SLC7A6: variants seen among roughly 807,000 people sequenced by gnomAD.
SLC7A6 encodes the protein solute carrier family 7 member 6, also known as Y+L amino acid transporter 2.
In SLC7A6, 29 loss-of-function variants were observed where a neutral mutation model predicts 46.6. The observed-to-expected ratio is 0.62, with a 90% CI of 0.46 to 0.85. The LOEUF (loss-of-function observed/expected upper bound fraction) is 0.85, where lower values mean the gene tolerates loss of function less well. SLC7A6 is among the 40% of genes least tolerant of loss of function. The pLI is 0.00. For missense variants in SLC7A6, 527 were observed against 647.6 expected (o/e 0.81, Z 2.02); for synonymous variants, 276 against 257.3 (o/e 1.07, Z -0.70).
At position 68,298,110 on chromosome 16, in the gene SLC7A6, A is replaced by C. The variant is rs2043207429; in HGVS notation, c.*782A>C. 1 of 152,680 alleles carries C rather than the reference A, an allele frequency of 6.5e-6. No homozygotes were observed. The highest frequency in any genetic ancestry group is 2.4e-5 in the African/African-American group (1 of 41,458). The allele number at this position is 152,680 out of a possible 1,614,324, so 9.5% of individuals were successfully genotyped here. On this transcript the variant is annotated 3_prime_UTR_variant, in exon 11 of 11. Coordinates refer to ENST00000219343, the MANE Select transcript of SLC7A6 (RefSeq NM_003983.6). ...ATAGATCATAGATCACGTTACAAGC[A>C]CTTGGCTCAGGTCCAGCAAGGACAG...
rs375440889 is a variant in SLC7A6, at chr16:68,269,028, G to T, written c.-37+2307G>T. ...CTAAAAAAAAAAAGAGCAAAAATACGTATTAAAAAATATTTACCTAGGCTA... is the reference window on the plus strand; with the variant it reads ...CTAAAAAAAAAAAGAGCAAAAATACTTATTAAAAAATATTTACCTAGGCTA... On this transcript the variant is annotated intron_variant, in intron 2 of 10. Transcript: ENST00000219343. Among the ~76,000 whole-genome samples, 4 of 151,884 alleles carry T rather than the reference G, an allele frequency of 2.6e-5. No individual in the cohort carries two copies. The East Asian group carries it at 7.7e-4, about 29-fold the overall frequency.
intron 1 of SLC7A6, chr16:68,265,461 T>C (rs573643950): frequency 1.3e-5 from 2 of 152,174 alleles, no homozygotes; most frequent in East Asian, 3.9e-4. Context: ...AAGAATTCAG[T>C]CTCTGCCCTT....
rs905228905 is a variant in SLC7A6 at position 68,297,497 on chromosome 16, G to A, written c.*169G>A. ...TATTGGTAAGCTATAGGAGACTCAG[G>A]ATCTGGGCCAACCTCAAGGTGGGGG... On this transcript the variant is annotated 3_prime_UTR_variant, in exon 11 of 11. Coordinates refer to ENST00000219343, the MANE Select transcript of SLC7A6 (RefSeq NM_003983.6). 1.6e-4 allele frequency: 47 copies of A among 287,066 alleles called. No individual in the cohort carries two copies. In the Admixed American group the frequency reaches 2.5e-3, roughly 15 times the overall value. 17.8% of individuals were successfully genotyped at this position (287,066 alleles called of 1,614,324 possible).
intron 6 of SLC7A6, 47 bp downstream of exon 6, chr16:68,291,379 G>A: frequency 6.2e-7 from 1 of 1,610,214 alleles, no homozygotes; most frequent in Non-Finnish European, 8.5e-7. Context: ...CTGATACTGA[G>A]CCACCCTGCA....
intron 7 of SLC7A6, 36 bp downstream of exon 7, chr16:68,291,697 A>G (rs766039387): frequency 1.9e-6 from 3 of 1,570,088 alleles, no homozygotes; most frequent in Non-Finnish European, 1.8e-6. Flanking sequence ...ATAGACCACA[A>G]TATTTCATTC....
At chr16:68,268,338 G>A (rs1203729661) in intron 2 of SLC7A6, among the ~76,000 whole-genome samples, 3 of 152,200 alleles carry the variant, frequency 2.0e-5, no homozygotes, top group Non-Finnish European at 4.4e-5. Context: ...TCCCTGGGGA[G>A]AAATGATTGC....
chr16:68,278,053 TTCAAGAGATTCTCCTGCC>T (rs1834691753), intron 3 of SLC7A6, among the ~76,000 whole-genome samples: 1 of 151,702 alleles, frequency 6.6e-6, no homozygotes, highest in Non-Finnish European at 1.5e-5. Flanking sequence ...ACCTCCCGGG[TTCAAGAGATTCTCCTGCC>T]TCAGCCTCCC....
At position 68,275,596 on chromosome 16, in the gene SLC7A6, CAAA is replaced by C. The variant is rs10578259; in HGVS notation, c.523+366_523+368del. Among the ~76,000 whole-genome samples the C allele has an allele frequency of 3.0e-3, 299 of 100,578 alleles. 6 individuals are homozygous for C. The South Asian group carries it at 0.045, about 15-fold the overall frequency. 66.0% of individuals were successfully genotyped at this position (100,578 alleles called of 152,430 possible). On this transcript the variant is annotated intron_variant, in intron 3 of 10. Coordinates refer to ENST00000219343, the MANE Select transcript of SLC7A6 (RefSeq NM_003983.6). The stretch of plus-strand genomic sequence containing the variant: ...GGCAACAAGAGCAAAACTCTGTCTC[CAAA>C]AAAAAAAAAAAAAAAAAAGATACTT...
chr16:68,274,296 G>C (rs2042671191), intron 2 of SLC7A6, among the ~76,000 whole-genome samples: 2 of 152,204 alleles, frequency 1.3e-5, no homozygotes, highest in African/African-American at 4.8e-5. Context: ...GGCTGGTGAT[G>C]ACTGTGTACC....
intron 2 of SLC7A6, chr16:68,273,723 C>A (rs1334097257): frequency 6.6e-6 from 1 of 151,446 alleles, no homozygotes. Flanking sequence ...GGGCAAGCAG[C>A]AACATGGGAG....
chr16:68,290,435 C>T lies in SLC7A6; in HGVS notation c.689C>T (p.Ser230Phe), dbSNP rs1473218930. The T allele has an allele frequency of 6.2e-7, 1 of 1,614,188 alleles. No individual in the cohort carries two copies. The highest frequency in any genetic ancestry group is 8.5e-7 in the Non-Finnish European group (1 of 1,180,038). Residue 230 changes from serine to phenylalanine, a missense_variant, in exon 5 of 11, where the codon TCC becomes TTC. Transcript: ENST00000219343. ...EHFQDAFEGSSWDMGNLSLAL... is the reference protein window; with the variant it reads ...EHFQDAFEGSFWDMGNLSLAL... ...TTTCAGGACGCCTTTGAGGGTTCCT[C>T]CTGGGACATGGGAAACCTCTCTCTT...
chr16:68,287,625 C>T (rs1376133062), intron 3 of SLC7A6, 121 bp from the exon 4 acceptor site: 1 of 1,536,038 alleles, frequency 6.5e-7, no homozygotes, highest in Non-Finnish European at 8.8e-7. Flanking sequence ...CTTGTTCTGA[C>T]TGGTCCATTG....
chr16:68,297,183 G>T lies in SLC7A6; in HGVS notation c.1454-51G>T, dbSNP rs1431668858. 3 of 1,562,608 alleles carry T rather than the reference G, an allele frequency of 1.9e-6. No homozygotes were observed. In the South Asian group the frequency reaches 3.4e-5, roughly 18 times the overall value. Reference sequence around the variant, plus strand: ...TACTAGTCAGCCTTGTTCAGGTTAGGGCTGTAGCTAGATGTTTACTAAACC... The same window carrying T: ...TACTAGTCAGCCTTGTTCAGGTTAGTGCTGTAGCTAGATGTTTACTAAACC... On this transcript the variant is annotated intron_variant, in intron 10 of 10. Transcript: ENST00000219343.
rs1231312920 is a variant in SLC7A6, at chr16:68,299,748, C to T, written c.*2420C>T. 6.6e-6 allele frequency: 1 copy of T among 152,112 alleles called. No homozygotes were observed. Among genetic ancestry groups the T allele is most frequent in the Non-Finnish European group, 1.5e-5 (1 of 68,026 alleles). 9.4% of individuals were successfully genotyped at this position (152,112 alleles called of 1,614,324 possible). ...TGTTTCTATGCCTACAGACAGAAAG[C>T]AAGATGTCTAATATTAGACATACAA... On this transcript the variant is annotated 3_prime_UTR_variant, in exon 11 of 11. Coordinates refer to ENST00000219343, the MANE Select transcript of SLC7A6 (RefSeq NM_003983.6).
chr16:68,291,762 G>GTGTGTGTGTGTGTGTGTGTGTGT (rs1555532339), intron 7 of SLC7A6, 101 bp downstream of exon 7: 9 of 548,020 alleles, frequency 1.6e-5, no homozygotes, highest in Non-Finnish European at 2.2e-5. Flanking sequence ...GGGCATATAG[G>GTGTGTGTGTGTGTGTGTGTGTGT]GTGTGTGTGT....
chr16:68,287,955 C>A, intron 4 of SLC7A6, 84 bp downstream of exon 4: 1 of 1,547,616 alleles, frequency 6.5e-7, no homozygotes. Context: ...CTTCACTGCT[C>A]GGCTGTTTCT....
rs891750164 is a variant in SLC7A6 at position 68,300,712 on chromosome 16, C to T, written c.*3384C>T. ...CAAAGGAAGTCAGTCAGTAATTTCA[C>T]AACCGTTATCAGAGTTTGGAAGCAG... On this transcript the variant is annotated 3_prime_UTR_variant, in exon 11 of 11. Transcript: ENST00000219343. 1 of 985,390 alleles carries T rather than the reference C, an allele frequency of 1.0e-6. No homozygotes were observed. The highest frequency in any genetic ancestry group is 1.2e-6 in the Non-Finnish European group (1 of 829,970). 61.0% of individuals were successfully genotyped at this position (985,390 alleles called of 1,614,324 possible).
intron 3 of SLC7A6, among the ~76,000 whole-genome samples, chr16:68,277,318 T>TTTTTTATTTATTTATA (rs2042730775): frequency 6.8e-6 from 1 of 146,954 alleles, no homozygotes; most frequent in African/African-American, 2.5e-5. Flanking sequence ...AAGAGTACTT[T>TTTTTTATTTATTTATA]TATTTATTTA....
chr16:68,269,184 C>A (rs1158093192), intron 2 of SLC7A6, among the ~76,000 whole-genome samples: 6 of 152,104 alleles, frequency 3.9e-5, no homozygotes, highest in Non-Finnish European at 5.9e-5. Flanking sequence ...TTCAGTAGAA[C>A]CTTAAATGTA....
Sources: allele counts gnomAD v4.1 joint callset (sites outside exome capture counted in the v4.1 genomes callset), GRCh38; gene constraint gnomAD v4.1.1; transcripts MANE v1.5; gene names NCBI Gene and HGNC (gene_info 2026-07-23, HGNC 2026-07-21).